The following REV1 variants were observed in gnomAD, a reference collection of about 807,000 sequenced individuals.
REV1 encodes translesion synthesis protein REV1.
A neutral mutation model predicts 137.4 loss-of-function variants in REV1; 42 were observed. That is an observed-to-expected ratio of 0.31 (90% CI 0.24 to 0.40). The LOEUF is 0.40. Ranked by LOEUF, REV1 falls within the 10% of genes least tolerant of loss-of-function variation. The pLI, the probability that REV1 is intolerant of heterozygous loss-of-function variation, is 1.00. For synonymous variants in REV1, 524 were observed against 519.2 expected (o/e 1.01, Z -0.12); for missense variants, 1,282 against 1,490.1 (o/e 0.86, Z 2.30).
At chr2:99,408,319 AG>A (rs1676625935) in intron 14 of REV1, 188 bp from the exon 15 acceptor site, 1 of 380,862 alleles carries the variant, frequency 2.6e-6, no homozygotes, top group Non-Finnish European at 4.7e-6. Flanking sequence ...CTGGCAACCA[AG>A]GGGGAAAGAA....
chr2:99,453,026 C>T (rs1380529330), intron 3 of REV1, among the ~76,000 whole-genome samples: 3 of 152,084 alleles, frequency 2.0e-5, no homozygotes, highest in Non-Finnish European at 4.4e-5. Flanking sequence ...GAATTAAGAG[C>T]TAAAAATTAT....
At chr2:99,456,725 T>C (rs1245377984) in intron 3 of REV1, among the ~76,000 whole-genome samples, 3 of 152,244 alleles carry the variant, frequency 2.0e-5, no homozygotes, top group Non-Finnish European at 4.4e-5. Context: ...TATCTCTCTA[T>C]ATAAAATACT....
intron 4 of REV1, among the ~76,000 whole-genome samples, chr2:99,446,640 A>G (rs994977426): frequency 4.0e-5 from 6 of 151,814 alleles, no homozygotes; most frequent in Non-Finnish European, 8.8e-5. Flanking sequence ...GATTACAGGC[A>G]CCCAACACCA....
chr2:99,481,784 A>G (rs1202371625), intron 1 of REV1, among the ~76,000 whole-genome samples: 1 of 152,148 alleles, frequency 6.6e-6, no homozygotes, highest in Non-Finnish European at 1.5e-5. Context: ...CAGGAGGATC[A>G]CTTTGGCCTG....
Position 99,449,329 on chromosome 2 carries a change from A to T in REV1, c.350+7T>A. On this transcript the variant is annotated splice_region_variant and intron_variant, in intron 4 of 22. Coordinates refer to ENST00000258428, the MANE Select transcript of REV1 (RefSeq NM_016316.4). ...TTTATTAATTAAATTTAATAAATTA[A>T]ACTTACCTTTCCACAATCCATTCTG... The T allele has an allele frequency of 6.8e-7, 1 of 1,464,028 alleles. No individual in the cohort carries two copies. The highest frequency in any genetic ancestry group is 9.1e-7 in the Non-Finnish European group (1 of 1,095,842). 90.7% of individuals were successfully genotyped at this position (1,464,028 alleles called of 1,614,324 possible). A position where few individuals can be genotyped will look rare whatever the true frequency, so the allele number is the denominator to read the frequency against.
chr2:99,469,442 A>T (rs1287233050), intron 1 of REV1, among the ~76,000 whole-genome samples: 2 of 152,212 alleles, frequency 1.3e-5, no homozygotes, highest in East Asian at 3.8e-4. Flanking sequence ...AAACTCAAGT[A>T]ATCAAATTAT....
At chr2:99,446,553 G>C (rs1314979068) in intron 4 of REV1, among the ~76,000 whole-genome samples, 1 of 152,018 alleles carries the variant, frequency 6.6e-6, no homozygotes, top group Non-Finnish European at 1.5e-5. Flanking sequence ...GGAGTGTACT[G>C]GCGTGATCTC....
At chr2:99,429,349 C>T (rs1311681711) in intron 9 of REV1, among the ~76,000 whole-genome samples, 1 of 152,106 alleles carries the variant, frequency 6.6e-6, no homozygotes, top group East Asian at 1.9e-4. Context: ...AAGTTGACAA[C>T]ACTCTTAACA....
rs781142504 is a variant in REV1 at position 99,434,432 on chromosome 2, A to T, written c.1338T>A (p.Val446=). The part of the protein sequence containing the change: ...RPDLKGKPVA[V]TSNRGTGRAP... ...CCCTTCCTGTGCCTCTGTTACTTGTAACAGCCACTGGTTTTCCTGTGAGGA... is the reference window on the plus strand; with the variant it reads ...CCCTTCCTGTGCCTCTGTTACTTGTTACAGCCACTGGTTTTCCTGTGAGGA... The change falls in exon 8 of 23, where the codon GTT becomes GTA. Residue 446 remains valine (V), a synonymous_variant. Transcript: ENST00000258428. The T allele has an allele frequency of 8.1e-6, 13 of 1,600,280 alleles. No homozygotes were observed. The highest frequency in any genetic ancestry group is 1.1e-5 in the Non-Finnish European group (13 of 1,173,256).
intron 14 of REV1, among the ~76,000 whole-genome samples, chr2:99,409,751 G>A (rs1205322393): frequency 3.3e-5 from 5 of 151,104 alleles, no homozygotes; most frequent in African/African-American, 1.2e-4. Context: ...GCTGAGACAG[G>A]AGGATTGCTT....
At chr2:99,454,810 A>G (rs1277181982) in intron 3 of REV1, among the ~76,000 whole-genome samples, 2 of 152,196 alleles carry the variant, frequency 1.3e-5, no homozygotes, top group African/African-American at 4.8e-5. Flanking sequence ...TCTATATGCA[A>G]CTAAATTTGA....
chr2:99,460,579 C>T (rs935448629), intron 3 of REV1, among the ~76,000 whole-genome samples: 11 of 152,160 alleles, frequency 7.2e-5, no homozygotes, highest in Non-Finnish European at 1.6e-4. Context: ...TGTCTTATTA[C>T]ATCTAAAGAG....
chr2:99,428,588 A>C (rs1679670531), intron 9 of REV1, among the ~76,000 whole-genome samples: 1 of 152,186 alleles, frequency 6.6e-6, no homozygotes, highest in African/African-American at 2.4e-5. Flanking sequence ...ATATACTTTA[A>C]ATAAAATAAT....
chr2:99,472,060 C>G (rs989309514), intron 1 of REV1, among the ~76,000 whole-genome samples: 1 of 151,910 alleles, frequency 6.6e-6, no homozygotes, highest in Non-Finnish European at 1.5e-5. Context: ...GAGTATATAT[C>G]CAAAGGCACT....
chr2:99,436,980 CTTTTTTTTTG>C (rs1680831886), intron 6 of REV1, among the ~76,000 whole-genome samples: 1 of 145,718 alleles, frequency 6.9e-6, no homozygotes, highest in African/African-American at 2.5e-5. Context: ...TCTCCCCCAA[CTTTTTTTTTG>C]TTTTTTTTTT....
At chr2:99,486,407 C>G (rs758889211) in intron 1 of REV1, among the ~76,000 whole-genome samples, 22 of 151,744 alleles carry the variant, frequency 1.4e-4, no homozygotes, top group Admixed American at 5.9e-4. Context: ...CAGGTGCCTG[C>G]AGTCCCAGCT....
chr2:99,419,967 G>A (rs1453320737), intron 11 of REV1, among the ~76,000 whole-genome samples: 1 of 152,220 alleles, frequency 6.6e-6, no homozygotes, highest in African/African-American at 2.4e-5. Flanking sequence ...TTCAGGGGAG[G>A]GGAAAGGCAC....
intron 1 of REV1, among the ~76,000 whole-genome samples, chr2:99,465,223 T>C (rs1031908046): frequency 3.3e-5 from 5 of 152,220 alleles, no homozygotes; most frequent in Admixed American, 3.3e-4. Flanking sequence ...TAAAATTCAA[T>C]AGAAAAATAT....
chr2:99,481,710 A>C (rs13384316), intron 1 of REV1, among the ~76,000 whole-genome samples: 82 of 141,282 alleles, frequency 5.8e-4, no homozygotes, highest in African/African-American at 1.2e-3. Flanking sequence ...CACACACACA[A>C]AAATTTAAAT....
Sources: allele counts gnomAD v4.1 joint callset (sites outside exome capture counted in the v4.1 genomes callset), GRCh38; gene constraint gnomAD v4.1.1; transcripts MANE v1.5; gene names NCBI Gene and HGNC (gene_info 2026-07-23, HGNC 2026-07-21).